Variants in COL8A1 observed in about 807,000 individuals in gnomAD.
The protein encoded by COL8A1 is collagen type VIII alpha 1 chain.
A neutral mutation model predicts 42.7 loss-of-function variants in COL8A1; 21 were observed. The ratio of observed to expected loss-of-function variants is 0.49; its 90% confidence interval spans 0.35 to 0.71. The LOEUF (loss-of-function observed/expected upper bound fraction) is 0.71. Ranked by LOEUF, COL8A1 falls within the 30% of genes least tolerant of loss-of-function variation. The probability of loss-of-function intolerance (pLI) is 0.01; values close to 1 mark genes in which losing one functional copy is unlikely to be tolerated. For missense variants in COL8A1, 788 were observed against 962.4 expected (o/e 0.82, Z 2.40); for synonymous variants, 367 against 369.1 (o/e 0.99, Z 0.06).
At chr3:99,676,839 A>G (rs1180094622) in intron 1 of COL8A1, among the ~76,000 whole-genome samples, 2 of 152,116 alleles carry the variant, frequency 1.3e-5, no homozygotes, top group Non-Finnish European at 2.9e-5. Context: ...TCAATATTCA[A>G]AAATCCATTA....
intron 1 of COL8A1, among the ~76,000 whole-genome samples, chr3:99,739,997 ATC>A (rs966654662): frequency 6.6e-6 from 1 of 152,196 alleles, no homozygotes; most frequent in African/African-American, 2.4e-5. Flanking sequence ...ACCCTAAATC[ATC>A]TCTCTTAAGT....
At chr3:99,772,437 T>C (rs1941598006) in intron 2 of COL8A1, among the ~76,000 whole-genome samples, 1 of 152,212 alleles carries the variant, frequency 6.6e-6, no homozygotes, top group East Asian at 1.9e-4. Context: ...GAGTGAACAC[T>C]AATGTAAAAT....
At chr3:99,710,878 A>G (rs188460394) in intron 1 of COL8A1, among the ~76,000 whole-genome samples, 2 of 152,288 alleles carry the variant, frequency 1.3e-5, no homozygotes, top group East Asian at 3.9e-4. Context: ...GCTTAAAATC[A>G]TAATATCTTG....
intron 2 of COL8A1, among the ~76,000 whole-genome samples, chr3:99,773,835 A>T (rs866291575): frequency 2.1e-3 from 148 of 70,356 alleles, no homozygotes; most frequent in African/African-American, 6.7e-3. Flanking sequence ...ATATATATAT[A>T]TATTTTTTTT....
At chr3:99,759,711 TAAATC>T (rs1478587689) in intron 2 of COL8A1, among the ~76,000 whole-genome samples, 2 of 152,228 alleles carry the variant, frequency 1.3e-5, no homozygotes, top group African/African-American at 4.8e-5. Flanking sequence ...AAGAGCTAGT[TAAATC>T]AATAAAACTC....
At chr3:99,655,840 T>C (rs1231465299) in intron 1 of COL8A1, among the ~76,000 whole-genome samples, 1 of 152,152 alleles carries the variant, frequency 6.6e-6, no homozygotes, top group African/African-American at 2.4e-5. Flanking sequence ...CATAGCCAAC[T>C]TGAAGCACTG....
intron 1 of COL8A1, among the ~76,000 whole-genome samples, chr3:99,734,742 G>A (rs1431079485): frequency 6.7e-6 from 1 of 149,080 alleles, no homozygotes; most frequent in Non-Finnish European, 1.5e-5. Context: ...ACCTTGGGCA[G>A]TATGGCCATT....
At chr3:99,647,847 C>A (rs1169283032) in intron 1 of COL8A1, among the ~76,000 whole-genome samples, 1 of 152,178 alleles carries the variant, frequency 6.6e-6, no homozygotes, top group Non-Finnish European at 1.5e-5. Context: ...CTTAGTTTAT[C>A]TATGACACTC....
At chr3:99,762,994 C>G (rs1010473652) in intron 2 of COL8A1, among the ~76,000 whole-genome samples, 6 of 152,060 alleles carry the variant, frequency 3.9e-5, no homozygotes, top group Non-Finnish European at 8.8e-5. Context: ...TTCATACCTT[C>G]TAGGTGGCAG....
chr3:99,678,831 G>A (rs1938780106), intron 1 of COL8A1: 1 of 152,002 alleles, frequency 6.6e-6, no homozygotes, highest in Non-Finnish European at 1.5e-5. Flanking sequence ...TTTCACATTG[G>A]GAATATAAGA....
intron 1 of COL8A1, among the ~76,000 whole-genome samples, chr3:99,697,445 T>C (rs1385914854): frequency 1.3e-5 from 2 of 152,204 alleles, no homozygotes; most frequent in Non-Finnish European, 2.9e-5. Flanking sequence ...AGAATTAAAT[T>C]AGTCAGATTA....
intron 1 of COL8A1, among the ~76,000 whole-genome samples, chr3:99,671,300 G>T (rs1276410637): frequency 6.6e-6 from 1 of 151,972 alleles, no homozygotes; most frequent in Non-Finnish European, 1.5e-5. Flanking sequence ...TCTTTGATGA[G>T]AGGATGTTCT....
At chr3:99,649,584 A>ATTT (rs1937772622) in intron 1 of COL8A1, among the ~76,000 whole-genome samples, 1 of 152,162 alleles carries the variant, frequency 6.6e-6, no homozygotes, top group Non-Finnish European at 1.5e-5. Flanking sequence ...GAAAATGAAC[A>ATTT]TCTTAGAAAG....
chr3:99,707,519 A>G (rs546003453), intron 1 of COL8A1, among the ~76,000 whole-genome samples: 47 of 152,130 alleles, frequency 3.1e-4, no homozygotes, highest in African/African-American at 1.1e-3. Flanking sequence ...CAGGTGTTCA[A>G]CTCTCCCTGA....
intron 1 of COL8A1, among the ~76,000 whole-genome samples, chr3:99,723,339 C>A (rs1370560291): frequency 6.6e-6 from 1 of 151,972 alleles, no homozygotes; most frequent in Non-Finnish European, 1.5e-5. Flanking sequence ...AGGTAGAGAC[C>A]TGCCTGGAAG....
chr3:99,792,649 G>C (rs1051754043), intron 3 of COL8A1, among the ~76,000 whole-genome samples: 1 of 152,132 alleles, frequency 6.6e-6, no homozygotes, highest in Non-Finnish European at 1.5e-5. Flanking sequence ...CAGCTTAAGG[G>C]ACCCAGTCAC....
intron 2 of COL8A1, among the ~76,000 whole-genome samples, chr3:99,773,837 A>ATTATATATATATATATATATATT (rs1553682090): frequency 4.8e-4 from 22 of 45,394 alleles, no homozygotes; most frequent in Non-Finnish European, 7.5e-4. Context: ...ATATATATAT[A>ATTATATATATATATATATATATT]TTTTTTTTTT....
intron 2 of COL8A1, among the ~76,000 whole-genome samples, chr3:99,787,113 T>C (rs1025294207): frequency 6.6e-6 from 1 of 152,208 alleles, no homozygotes; most frequent in African/African-American, 2.4e-5. Flanking sequence ...AGATTAAATA[T>C]TTAAACATTC....
chr3:99,646,188 C>G (rs1005584158), intron 1 of COL8A1, among the ~76,000 whole-genome samples: 3 of 152,056 alleles, frequency 2.0e-5, no homozygotes, highest in African/African-American at 7.3e-5. Flanking sequence ...AATTCAGAAC[C>G]CTTTGGGGGA....
Sources: allele counts gnomAD v4.1 joint callset (sites outside exome capture counted in the v4.1 genomes callset), GRCh38; gene constraint gnomAD v4.1.1; transcripts MANE v1.5; gene names NCBI Gene and HGNC (gene_info 2026-07-23, HGNC 2026-07-21).